TSPAN9: variants seen among roughly 807,000 people sequenced by gnomAD.
TSPAN9 encodes tetraspanin 9.
In TSPAN9, 16 loss-of-function variants were observed where a neutral mutation model predicts 31.0. The ratio of observed to expected loss-of-function variants is 0.52; its 90% CI spans 0.35 to 0.78. The LOEUF is 0.78. Among genes scored for constraint, TSPAN9 ranks in the 30% least tolerant of loss-of-function variants. TSPAN9 has a pLI of 0.01. For missense variants in TSPAN9, 272 were observed against 312.5 expected, an observed-to-expected ratio of 0.87 and a Z score of 0.98; for synonymous variants, 145 against 121.6, an observed-to-expected ratio of 1.19 and a Z score of -1.27.
chr12:3,223,470 T>C lies in TSPAN9; in HGVS notation c.63+22214T>C, dbSNP rs2098385585. 2.6e-5 allele frequency among the ~76,000 whole-genome samples: 4 copies of C among 152,330 alleles called. No homozygotes were observed. In the South Asian group the frequency reaches 8.3e-4, roughly 32 times the overall value. On this transcript the variant is annotated intron_variant, in intron 3 of 8. Transcript: ENST00000011898. ...GCCTGTTCCAACCCTCCCTGGCTTT[T>C]GTGGCATGTTTTCTATGCCGTTTGC...
intron 2 of TSPAN9, among the ~76,000 whole-genome samples, chr12:3,185,937 G>A (rs1041105004): frequency 4.6e-5 from 7 of 152,198 alleles, no homozygotes; most frequent in Non-Finnish European, 8.8e-5. Flanking sequence ...TCACTGTGGA[G>A]CTCAGGGGCC....
chr12:3,138,921 G>C (rs1340998918), intron 2 of TSPAN9, among the ~76,000 whole-genome samples: 5 of 152,106 alleles, frequency 3.3e-5, no homozygotes, highest in African/African-American at 1.2e-4. Context: ...CCCTCAGCCC[G>C]TGCTCTGTTC....
chr12:3,278,277 C>A, intron 3 of TSPAN9, 144 bp from the exon 4 acceptor site: 1 of 1,164,138 alleles, frequency 8.6e-7, no homozygotes, highest in Non-Finnish European at 1.2e-6. Flanking sequence ...TTCGGGTCTG[C>A]AGCCCAACGG....
At chr12:3,239,460 G>A (rs2098395448) in intron 3 of TSPAN9, among the ~76,000 whole-genome samples, 1 of 152,204 alleles carries the variant, frequency 6.6e-6, no homozygotes, top group Admixed American at 6.5e-5. Flanking sequence ...GATCATGATG[G>A]TGCCTGTATT....
intron 2 of TSPAN9, among the ~76,000 whole-genome samples, chr12:3,108,304 C>T (rs888522746): frequency 1.3e-5 from 2 of 152,244 alleles, no homozygotes; most frequent in African/African-American, 2.4e-5. Context: ...TCTGCATTCA[C>T]ACTTCCTTGA....
At chr12:3,079,256 G>C (rs2098296631) in intron 1 of TSPAN9, among the ~76,000 whole-genome samples, 1 of 152,174 alleles carries the variant, frequency 6.6e-6, no homozygotes, top group African/African-American at 2.4e-5. Context: ...TGGGATTATA[G>C]GCGTGAGCCA....
At chr12:3,166,400 C>T (rs2098348432) in intron 2 of TSPAN9, among the ~76,000 whole-genome samples, 3 of 152,164 alleles carry the variant, frequency 2.0e-5, no homozygotes, top group African/African-American at 7.2e-5. Context: ...ATGAAAGCAT[C>T]ATACTATCTA....
chr12:3,255,576 G>A (rs1356093003), intron 3 of TSPAN9, among the ~76,000 whole-genome samples: 5 of 152,204 alleles, frequency 3.3e-5, no homozygotes, highest in Admixed American at 2.0e-4. Context: ...AGGACGGCAC[G>A]GGGGCCTGTG....
At chr12:3,278,341 G>C (rs1481242391) in intron 3 of TSPAN9, 80 bp from the exon 4 acceptor site, 3 of 1,548,214 alleles carry the variant, frequency 1.9e-6, no homozygotes, top group Non-Finnish European at 2.6e-6. Flanking sequence ...CAGAGCATGG[G>C]GTGGGGACCT....
intron 2 of TSPAN9, among the ~76,000 whole-genome samples, chr12:3,116,752 C>T (rs1014276952): frequency 1.3e-5 from 2 of 152,186 alleles, no homozygotes; most frequent in African/African-American, 4.8e-5. Flanking sequence ...AGCCCGGGAG[C>T]GCGCGCCTGC....
chr12:3,150,969 C>T (rs1038613975), intron 2 of TSPAN9: 1 of 152,260 alleles, frequency 6.6e-6, no homozygotes, highest in African/African-American at 2.4e-5. Flanking sequence ...CAATGAAGTT[C>T]TTCCTCCCTC....
chr12:3,080,552 G>C (rs2098297368), intron 1 of TSPAN9, among the ~76,000 whole-genome samples: 1 of 152,052 alleles, frequency 6.6e-6, no homozygotes, highest in African/African-American at 2.4e-5. Flanking sequence ...TGGCCAGGCT[G>C]GTCTTGAACT....
chr12:3,202,937 G>A (rs1297893512), intron 3 of TSPAN9, among the ~76,000 whole-genome samples: 2 of 152,238 alleles, frequency 1.3e-5, no homozygotes, highest in Non-Finnish European at 2.9e-5. Flanking sequence ...CCATCTGCCA[G>A]CATCTGTCAG....
intron 3 of TSPAN9, among the ~76,000 whole-genome samples, chr12:3,224,054 C>T (rs2153975240): frequency 6.6e-6 from 1 of 151,430 alleles, no homozygotes; most frequent in South Asian, 2.1e-4. Context: ...TGGATTTGTG[C>T]TTCTTTAGGT....
intron 2 of TSPAN9, among the ~76,000 whole-genome samples, chr12:3,149,353 C>T (rs1401616581): frequency 6.6e-6 from 1 of 152,218 alleles, no homozygotes; most frequent in Non-Finnish European, 1.5e-5. Flanking sequence ...GATGCCCATC[C>T]TGGCATTACC....
chr12:3,211,889 G>A, intron 3 of TSPAN9: 1 of 1,591,778 alleles, frequency 6.3e-7, no homozygotes, highest in Non-Finnish European at 8.5e-7. Flanking sequence ...TTCTGGAGAG[G>A]GATGAAGGAG....
At chr12:3,109,649 T>C (rs1020452491) in intron 2 of TSPAN9, among the ~76,000 whole-genome samples, 5 of 151,364 alleles carry the variant, frequency 3.3e-5, no homozygotes, top group Admixed American at 6.6e-5. Flanking sequence ...ATACAAAAAA[T>C]TAGCCGGGCA....
At chr12:3,264,659 T>A (rs1251569318) in intron 3 of TSPAN9, among the ~76,000 whole-genome samples, 2 of 152,206 alleles carry the variant, frequency 1.3e-5, no homozygotes, top group Non-Finnish European at 2.9e-5. Flanking sequence ...CACCACAGGC[T>A]CCCGACTCAC....
intron 3 of TSPAN9, among the ~76,000 whole-genome samples, chr12:3,241,730 C>T (rs1286614345): frequency 1.3e-5 from 2 of 152,202 alleles, no homozygotes; most frequent in Non-Finnish European, 1.5e-5. Context: ...GGTGGAGGTC[C>T]CGGCCTTGCC....
Sources: gnomAD v4.1 joint callset for allele counts (sites outside exome capture counted in the v4.1 genomes callset) on GRCh38, gnomAD v4.1.1 for gene constraint, MANE v1.5 for transcripts, NCBI Gene and HGNC (gene_info 2026-07-23, HGNC 2026-07-21) for gene names.